CNR1: variants seen among roughly 807,000 people sequenced by gnomAD.
CNR1 encodes cannabinoid receptor 1 (brain).
A neutral mutation model predicts 23.0 loss-of-function variants in CNR1; 10 were observed. The observed-to-expected ratio is 0.43, with a 90% CI of 0.27 to 0.74. The LOEUF (loss-of-function observed/expected upper bound fraction) is 0.74. Among genes scored for constraint, CNR1 ranks in the 30% least tolerant of loss-of-function variants. The pLI is 0.19. For synonymous variants in CNR1, 271 were observed against 255.2 expected, an observed-to-expected ratio of 1.06 and a Z score of -0.59; for missense variants, 422 against 618.8, an observed-to-expected ratio of 0.68 and a Z score of 3.37.
chr6:88,166,420 GGCA>G (rs1778373567), upstream of CNR1: 1 of 152,366 alleles, frequency 6.6e-6, no homozygotes, highest in South Asian at 2.1e-4. Flanking sequence ...GTCCTGCCCT[GGCA>G]GCGGCGGCGG....
At chr6:88,148,400 T>C (rs1645238299) in intron 1 of CNR1, among the ~76,000 whole-genome samples, 1 of 152,188 alleles carries the variant, frequency 6.6e-6, no homozygotes, top group Non-Finnish European at 1.5e-5. Context: ...GGGGACTTTA[T>C]CTTAGTATCT....
chr6:88,164,178 C>T (rs1778249362), intron 1 of CNR1: 1 of 152,280 alleles, frequency 6.6e-6, no homozygotes, highest in Admixed American at 6.5e-5. Context: ...TGGGTATTTC[C>T]ACCTTGTGGC....
chr6:88,145,326 C>A lies in CNR1; in HGVS notation c.-52G>T, dbSNP rs1777121268. 4 of 1,456,148 alleles carry A rather than the reference C, an allele frequency of 2.7e-6. No individual in the cohort carries two copies. In the African/African-American group the frequency reaches 5.6e-5, roughly 20 times the overall value. The allele number at this position is 1,456,148 out of a possible 1,614,324, so 90.2% of individuals were successfully genotyped here. A position where few individuals can be genotyped will look rare whatever the true frequency, so the allele number is the denominator to read the frequency against. On this transcript the variant is annotated 5_prime_UTR_variant, in exon 2 of 2. Coordinates refer to ENST00000369501, the MANE Select transcript of CNR1 (RefSeq NM_016083.6). Reference sequence around the variant, plus strand: ...TCAAAATGACTGAGAAAGTGACCCACAGGGGGCAATCCTAAGAGGAGGGAA... The same window carrying A: ...TCAAAATGACTGAGAAAGTGACCCAAAGGGGGCAATCCTAAGAGGAGGGAA...
At chr6:88,148,043 C>T (rs749463755) in intron 1 of CNR1, among the ~76,000 whole-genome samples, 2 of 152,224 alleles carry the variant, frequency 1.3e-5, no homozygotes, top group Non-Finnish European at 2.9e-5. Flanking sequence ...CTAGCTCCCG[C>T]CCACCTCTCC....
At chr6:88,161,663 TTA>T (rs763955976) in intron 1 of CNR1, among the ~76,000 whole-genome samples, 8 of 152,198 alleles carry the variant, frequency 5.3e-5, no homozygotes, top group African/African-American at 1.4e-4. Context: ...CTACACTACT[TTA>T]TGTCATGACT....
chr6:88,163,316 G>C (rs1486798643), intron 1 of CNR1, among the ~76,000 whole-genome samples: 1 of 152,174 alleles, frequency 6.6e-6, no homozygotes, highest in Admixed American at 6.5e-5. Flanking sequence ...TCTTGTTTTT[G>C]CAGCATTCCT....
At chr6:88,147,436 A>G (rs1463695033) in intron 1 of CNR1, among the ~76,000 whole-genome samples, 2 of 152,236 alleles carry the variant, frequency 1.3e-5, no homozygotes, top group Non-Finnish European at 2.9e-5. Context: ...GGGGACACCC[A>G]GTCTAGAGGG....
In CNR1 at chr6:88,144,395, A is replaced by G. The variant is rs1562501566; in HGVS notation, c.880T>C (p.Tyr294His). 1 of 1,614,070 alleles carries G rather than the reference A, an allele frequency of 6.2e-7. No individual in the cohort carries two copies. Reference sequence around the variant, plus strand: ...TGAGCCTTCCAGAGAATATACATGTACGCATACACGATGAACAGAAGCAGT... The same window carrying G: ...TGAGCCTTCCAGAGAATATACATGTGCGCATACACGATGAACAGAAGCAGT... ...SVLLLFIVYA[Y>H]MYILWKAHSH... Residue 294 changes from tyrosine to histidine, a missense_variant, in exon 2 of 2, where the codon TAC becomes CAC. Transcript: ENST00000369501. This position sits in a 1 kb window ranked among gnomAD's most constrained non-coding sequence, Gnocchi z 7.8.
In CNR1 at chr6:88,165,967, G is replaced by A. The variant is rs1448232460; in HGVS notation, c.-228C>T. The A allele has an allele frequency of 1.3e-5, 2 of 152,878 alleles. No individual in the cohort carries two copies. Among genetic ancestry groups the A allele is most frequent in the Non-Finnish European group, 2.9e-5 (2 of 68,556 alleles). 9.5% of individuals were successfully genotyped at this position (152,878 alleles called of 1,614,324 possible). On this transcript the variant is annotated 5_prime_UTR_variant, in exon 1 of 2. Coordinates refer to ENST00000369501, the MANE Select transcript of CNR1 (RefSeq NM_016083.6). Reference sequence around the variant, plus strand: ...AAGGGAAGGCGCTGGCGCCGCGGGAGACAAGAAGAGGCGGAGGCGGAAAAG... The same window carrying A: ...AAGGGAAGGCGCTGGCGCCGCGGGAAACAAGAAGAGGCGGAGGCGGAAAAG...
In CNR1 at chr6:88,165,913, T is replaced by C. The variant is rs1466599969; in HGVS notation, c.-174A>G. 1 of 152,684 alleles carries C rather than the reference T, an allele frequency of 6.5e-6. No homozygotes were observed. Among genetic ancestry groups the C allele is most frequent in the Admixed American group, 6.5e-5 (1 of 15,290 alleles). The allele number at this position is 152,684 out of a possible 1,614,324, so 9.5% of individuals were successfully genotyped here. On this transcript the variant is annotated 5_prime_UTR_variant, in exon 1 of 2. Transcript: ENST00000369501. ...ATCCCCCACTGACTACGGAGAGCTC[T>C]GCAGGGAGCCGAGGCCCCCGCCCGG... is the stretch of plus-strand genomic sequence containing the variant.
At chr6:88,157,961 T>A (rs1309900318) in intron 1 of CNR1, among the ~76,000 whole-genome samples, 3 of 152,226 alleles carry the variant, frequency 2.0e-5, no homozygotes, top group Non-Finnish European at 4.4e-5. Context: ...TAATTTTAAA[T>A]AAGTTTTTAT....
chr6:88,158,044 C>T (rs1421468521), intron 1 of CNR1, among the ~76,000 whole-genome samples: 1 of 152,062 alleles, frequency 6.6e-6, no homozygotes, highest in Non-Finnish European at 1.5e-5. Flanking sequence ...CTACTTTAGT[C>T]GAAATGTTTA....
chr6:88,141,735 A>C lies in CNR1; in HGVS notation c.*2121T>G, dbSNP rs1776833053. 1.3e-5 allele frequency: 2 copies of C among 152,420 alleles called. No individual in the cohort carries two copies. Among genetic ancestry groups the C allele is most frequent in the Admixed American group, 1.3e-4 (2 of 15,282 alleles). The allele number at this position is 152,420 out of a possible 1,614,324, so 9.4% of individuals were successfully genotyped here. A position where few individuals can be genotyped will look rare whatever the true frequency, so the allele number is the denominator to read the frequency against. On this transcript the variant is annotated 3_prime_UTR_variant, in exon 2 of 2. Coordinates refer to ENST00000369501, the MANE Select transcript of CNR1 (RefSeq NM_016083.6). ...AGGTAAAGTAAGGGAGCCAGCAGGC[A>C]GATTCAAGGTGTGCAGACAGACAAT...
chr6:88,145,841 A>G (rs1777151625), intron 1 of CNR1, among the ~76,000 whole-genome samples: 1 of 152,218 alleles, frequency 6.6e-6, no homozygotes, highest in Non-Finnish European at 1.5e-5. Context: ...CAACCAAAGA[A>G]TAAGACAGTG....
At chr6:88,153,594 C>T (rs184038654) in intron 1 of CNR1, among the ~76,000 whole-genome samples, 33 of 152,344 alleles carry the variant, frequency 2.2e-4, no homozygotes, top group Non-Finnish European at 4.4e-4. Context: ...CTGTTGTTCA[C>T]TTGGCTGGCC....
intron 1 of CNR1, among the ~76,000 whole-genome samples, chr6:88,164,505 C>G (rs1260100861): frequency 6.6e-6 from 1 of 152,124 alleles, no homozygotes; most frequent in Non-Finnish European, 1.5e-5. Flanking sequence ...AGTAATTTGT[C>G]TCACTTAAGA....
At chr6:88,149,551 C>T (rs1034822794) in intron 1 of CNR1, among the ~76,000 whole-genome samples, 1 of 152,214 alleles carries the variant, frequency 6.6e-6, no homozygotes, top group Non-Finnish European at 1.5e-5. Context: ...CCTTGCACAT[C>T]CACAAACCTA....
At chr6:88,147,325 C>A (rs1777255061) in intron 1 of CNR1, among the ~76,000 whole-genome samples, 1 of 151,928 alleles carries the variant, frequency 6.6e-6, no homozygotes, top group African/African-American at 2.4e-5. Context: ...AGAGTCCTTG[C>A]CCGCATGAAG....
chr6:88,151,854 A>G (rs1407506071), intron 1 of CNR1, among the ~76,000 whole-genome samples: 1 of 152,142 alleles, frequency 6.6e-6, no homozygotes, highest in Non-Finnish European at 1.5e-5. Context: ...GAAACTTTAC[A>G]TATATTCTAT....
Sources: allele counts gnomAD v4.1 joint callset (sites outside exome capture counted in the v4.1 genomes callset), GRCh38; gene constraint gnomAD v4.1.1; non-coding constraint Gnocchi (gnomAD v3.1); transcripts MANE v1.5; gene names NCBI Gene and HGNC (gene_info 2026-07-23, HGNC 2026-07-21).